Variants in GALNT17 observed in about 807,000 individuals in gnomAD.
GALNT17 encodes polypeptide N-acetylgalactosaminyltransferase 17, also known as UDP-GalNAc:polypeptide N-acetylgalactosaminyltransferase-like 3.
Under a neutral mutation model 63.7 loss-of-function variants are expected in GALNT17, and 29 were observed. That is an observed-to-expected ratio of 0.46 (90% CI 0.34 to 0.62). GALNT17 has a LOEUF of 0.62. Among genes scored for constraint, GALNT17 ranks in the 20% least tolerant of loss-of-function variants. The pLI, the probability that GALNT17 is intolerant of heterozygous loss-of-function variation, is 0.01. For missense variants in GALNT17, 603 were observed against 799.6 expected, an observed-to-expected ratio of 0.75 and a Z score of 2.97; for synonymous variants, 305 against 318.3, an observed-to-expected ratio of 0.96 and a Z score of 0.45.
chr7:71,203,186 A>G (rs1373895988), intron 1 of GALNT17, among the ~76,000 whole-genome samples: 1 of 152,192 alleles, frequency 6.6e-6, no homozygotes, highest in Non-Finnish European at 1.5e-5. Context: ...GCTGGATCAT[A>G]TGGTGGTTCC....
At chr7:71,436,905 A>G (rs1039783052) in intron 5 of GALNT17, among the ~76,000 whole-genome samples, 5 of 152,144 alleles carry the variant, frequency 3.3e-5, no homozygotes, top group African/African-American at 1.2e-4. Context: ...CCCTGACCCA[A>G]CAATGGATGA....
intron 7 of GALNT17, among the ~76,000 whole-genome samples, chr7:71,665,944 G>A (rs997324836): frequency 1.3e-5 from 2 of 152,144 alleles, no homozygotes; most frequent in African/African-American, 4.8e-5. Context: ...CTGCCAGTGT[G>A]TGACTTCCCA....
intron 5 of GALNT17, among the ~76,000 whole-genome samples, chr7:71,432,701 C>A (rs1333798939): frequency 6.6e-6 from 1 of 152,184 alleles, no homozygotes; most frequent in Non-Finnish European, 1.5e-5. Context: ...AGTGCGATGG[C>A]TCTGGTCTGT....
chr7:71,423,581 A>G (rs1410475104), intron 5 of GALNT17, among the ~76,000 whole-genome samples: 1 of 152,158 alleles, frequency 6.6e-6, no homozygotes, highest in African/African-American at 2.4e-5. Flanking sequence ...ACAGATAATC[A>G]TGAAGTTCTT....
chr7:71,690,956 CAA>C (rs1220104613), intron 9 of GALNT17, among the ~76,000 whole-genome samples: 2 of 152,164 alleles, frequency 1.3e-5, no homozygotes, highest in Non-Finnish European at 2.9e-5. Flanking sequence ...TGAAATGACA[CAA>C]GAGAATATTT....
At chr7:71,459,467 C>G (rs1350145770) in intron 5 of GALNT17, among the ~76,000 whole-genome samples, 1 of 152,222 alleles carries the variant, frequency 6.6e-6, no homozygotes, top group Non-Finnish European at 1.5e-5. Flanking sequence ...GAGGACTAAG[C>G]TCTAATTTTT....
At chr7:71,533,299 C>T (rs1414765960) in intron 5 of GALNT17, among the ~76,000 whole-genome samples, 1 of 152,164 alleles carries the variant, frequency 6.6e-6, no homozygotes, top group East Asian at 1.9e-4. Flanking sequence ...GACTATGAGA[C>T]GATGTATTCT....
At chr7:71,428,798 T>C (rs1786808114) in intron 5 of GALNT17, among the ~76,000 whole-genome samples, 1 of 152,208 alleles carries the variant, frequency 6.6e-6, no homozygotes, top group South Asian at 2.1e-4. Flanking sequence ...ATCTGGTTTC[T>C]GGGATTTGCA....
chr7:71,434,711 A>G lies in GALNT17; in HGVS notation c.962+13606A>G, dbSNP rs796533608. ...TTCTTGTCCTTAAAACTTCACCAGC[A>G]TTGAAATGTCGATTGTTCCACTAGT... On this transcript the variant is annotated intron_variant, in intron 5 of 10. Coordinates refer to ENST00000333538, the MANE Select transcript of GALNT17 (RefSeq NM_022479.3). Among the ~76,000 whole-genome samples, 42 of 152,304 alleles carry G rather than the reference A, an allele frequency of 2.8e-4. 1 individual carries two copies. The highest frequency in any genetic ancestry group is 9.6e-4 in the African/African-American group (40 of 41,580).
intron 9 of GALNT17, among the ~76,000 whole-genome samples, chr7:71,699,772 A>ATTT (rs112893918): frequency 6.6e-5 from 10 of 150,970 alleles, no homozygotes; most frequent in African/African-American, 1.9e-4. Flanking sequence ...TGTCTCTATG[A>ATTT]TTTTTTTTTA....
chr7:71,637,329 G>A (rs1030279074), intron 6 of GALNT17, among the ~76,000 whole-genome samples: 1 of 152,032 alleles, frequency 6.6e-6, no homozygotes, highest in African/African-American at 2.4e-5. Context: ...GGGACTACAG[G>A]CACAGCCACC....
At chr7:71,534,176 G>A (rs574536641) in intron 5 of GALNT17, among the ~76,000 whole-genome samples, 25 of 152,208 alleles carry the variant, frequency 1.6e-4, no homozygotes, top group African/African-American at 4.8e-4. Flanking sequence ...TAATTGACCC[G>A]CAGTTCAGCA....
At chr7:71,306,868 G>C (rs565073814) in intron 1 of GALNT17, among the ~76,000 whole-genome samples, 1 of 152,172 alleles carries the variant, frequency 6.6e-6, no homozygotes, top group African/African-American at 2.4e-5. Context: ...CTGTTGCCCA[G>C]GCTGGAGTGC....
At chr7:71,482,838 T>C (rs1314641659) in intron 5 of GALNT17, among the ~76,000 whole-genome samples, 1 of 152,096 alleles carries the variant, frequency 6.6e-6, no homozygotes, top group Non-Finnish European at 1.5e-5. Flanking sequence ...ATTACTTAGA[T>C]TATCAGAAGG....
At chr7:71,301,496 A>T (rs996287121) in intron 1 of GALNT17, among the ~76,000 whole-genome samples, 1 of 150,580 alleles carries the variant, frequency 6.6e-6, no homozygotes, top group African/African-American at 2.4e-5. Flanking sequence ...GTAATTATTG[A>T]TAGAGAGGGA....
chr7:71,138,848 G>T (rs1183466705), intron 1 of GALNT17, among the ~76,000 whole-genome samples: 1 of 152,154 alleles, frequency 6.6e-6, no homozygotes, highest in African/African-American at 2.4e-5. Flanking sequence ...GGTGGCTGGT[G>T]CCTGTAATCC....
At chr7:71,552,916 C>A (rs1789104731) in intron 5 of GALNT17, among the ~76,000 whole-genome samples, 1 of 152,178 alleles carries the variant, frequency 6.6e-6, no homozygotes, top group African/African-American at 2.4e-5. Context: ...TGGAACACAC[C>A]TCAAGGTAGA....
Position 71,259,638 on chromosome 7 carries a change from G to GTTTTT in GALNT17, c.239-75909_239-75905dup, listed in dbSNP as rs1219751607. On this transcript the variant is annotated intron_variant, in intron 1 of 10. Coordinates refer to ENST00000333538, the MANE Select transcript of GALNT17 (RefSeq NM_022479.3). ...AGATCTTGGTCCTGTTTTGTTTTTT[G>GTTTTT]TTTTTTTGTTTTTTTTTTTTTGAGA... 9.7e-3 allele frequency among the ~76,000 whole-genome samples: 1,339 copies of GTTTTT among 137,742 alleles called. 49 individuals are homozygous for GTTTTT. Among genetic ancestry groups the GTTTTT allele is most frequent in the South Asian group, 0.024 (100 of 4,190 alleles). The allele number at this position is 137,742 out of a possible 152,430, so 90.4% of individuals were successfully genotyped here.
At chr7:71,210,154 C>T (rs1186399659) in intron 1 of GALNT17, among the ~76,000 whole-genome samples, 1 of 152,076 alleles carries the variant, frequency 6.6e-6, no homozygotes, top group Non-Finnish European at 1.5e-5. Flanking sequence ...AACTCCTGAC[C>T]TTAGGTGATC....
Sources: allele counts gnomAD v4.1 joint callset (sites outside exome capture counted in the v4.1 genomes callset), GRCh38; gene constraint gnomAD v4.1.1; transcripts MANE v1.5; gene names NCBI Gene and HGNC (gene_info 2026-07-23, HGNC 2026-07-21).